The following MDN1 variants were observed in gnomAD, a reference collection of about 807,000 sequenced individuals.
MDN1 encodes midasin AAA ATPase 1, also known as midasin.
Under a neutral mutation model 669.2 loss-of-function variants are expected in MDN1, and 266 were observed. The ratio of observed to expected loss-of-function variants is 0.40; its 90% CI spans 0.36 to 0.44. MDN1 has a LOEUF of 0.44. Among genes scored for constraint, MDN1 ranks in the 20% least tolerant of loss-of-function variants. The probability of loss-of-function intolerance (pLI) is 1.00; values close to 1 mark genes in which losing one functional copy is unlikely to be tolerated. For missense variants in MDN1, 5,940 were observed against 6,754.0 expected (o/e 0.88, Z 4.22); for synonymous variants, 2,385 against 2,457.1 (o/e 0.97, Z 0.87).
At position 89,653,007 on chromosome 6, in the gene MDN1, C is replaced by T; in HGVS notation, c.15810G>A (p.Met5270Ile). ...STIHTAHQFLMDTIFQPFLKD... is the reference protein window; with the variant it reads ...STIHTAHQFLIDTIFQPFLKD... ...GTTTTACTACCTGGAAGATCGTGTCCATGAGGAATTGATGAGCTGTATGAA... is the reference window on the plus strand; with the variant it reads ...GTTTTACTACCTGGAAGATCGTGTCTATGAGGAATTGATGAGCTGTATGAA... Residue 5270 changes from methionine (M) to isoleucine (I), a missense_variant, in exon 94 of 102, where the codon ATG becomes ATA. By Grantham distance (10) the Met-to-Ile change is conservative. Coordinates refer to ENST00000369393, the MANE Select transcript of MDN1 (RefSeq NM_014611.3). 1.2e-6 allele frequency: 2 copies of T among 1,613,686 alleles called. No homozygotes were observed. The highest frequency in any genetic ancestry group is 1.7e-6 in the Non-Finnish European group (2 of 1,179,926).
chr6:89,723,094 G>A lies in MDN1; in HGVS notation c.5828C>T (p.Pro1943Leu), dbSNP rs1814958160. Residue 1943 changes from proline (P) to leucine (L), a missense_variant, in exon 40 of 102, where the codon CCC becomes CTC. Transcript: ENST00000369393. The part of the protein sequence containing the change: ...VEKKWGQKGG[P>L]WEFNLRDLFR... ...AAGGTCCCGGAGGTTGAATTCCCAG[G>A]GTCCTCCTTTTTGCCCCCATTTCTT... is the stretch of plus-strand genomic sequence containing the variant. The A allele has an allele frequency of 1.2e-6, 2 of 1,613,898 alleles. No homozygotes were observed. The highest frequency in any genetic ancestry group is 1.7e-6 in the Non-Finnish European group (2 of 1,179,978).
At chr6:89,815,378 T>C in intron 1 of MDN1, 1 of 433,052 alleles carries the variant, frequency 2.3e-6, no homozygotes, top group Non-Finnish European at 4.5e-6. Flanking sequence ...ACACTCTCAT[T>C]CATGACTGAG....
In MDN1 at chr6:89,664,481, T is replaced by C; in HGVS notation, c.14236+6A>G. The C allele has an allele frequency of 6.2e-7, 1 of 1,613,338 alleles. No individual in the cohort carries two copies. The highest frequency in any genetic ancestry group is 8.5e-7 in the Non-Finnish European group (1 of 1,179,840). ...AACAAGAATGAAGTGACAGATAATCTGAAACCTTGTTCTTCAAGCTCCCCA... is the reference window on the plus strand; with the variant it reads ...AACAAGAATGAAGTGACAGATAATCCGAAACCTTGTTCTTCAAGCTCCCCA... On this transcript the variant is annotated splice_donor_region_variant and intron_variant, in intron 85 of 101. Transcript: ENST00000369393.
chr6:89,740,401 G>C, intron 31 of MDN1, 23 bp from the exon 32 acceptor site: 1 of 1,561,198 alleles, frequency 6.4e-7, no homozygotes, highest in Non-Finnish European at 8.6e-7. Flanking sequence ...TTGAAGAACA[G>C]TGAAAAGGGC....
At position 89,704,397 on chromosome 6, in the gene MDN1, A is replaced by T. The variant is rs569160857; in HGVS notation, c.8148+1662T>A. Among the ~76,000 whole-genome samples, 15 of 152,328 alleles carry T rather than the reference A, an allele frequency of 9.8e-5. No homozygotes were observed. In the South Asian group the frequency reaches 3.1e-3, roughly 32 times the overall value. ...ACTCTGTCTCAAAAAAAATTCTGGA[A>T]AACAGAGTTTGATGACTTCCTGGTA... On this transcript the variant is annotated intron_variant, in intron 53 of 101. Transcript: ENST00000369393.
At position 89,673,482 on chromosome 6, in the gene MDN1, A is replaced by G. The variant is rs1164880908; in HGVS notation, c.13248-20T>C. 3 of 1,608,348 alleles carry G rather than the reference A, an allele frequency of 1.9e-6. No individual in the cohort carries two copies. Among genetic ancestry groups the G allele is most frequent in the African/African-American group, 1.3e-5 (1 of 74,926 alleles). ...TCTTTCCTGCAACAGAAATGCCACA[A>G]TGTTGAAAGGAATGCATTACAGTTC... On this transcript the variant is annotated intron_variant, in intron 79 of 101. Transcript: ENST00000369393.
chr6:89,657,489 A>G (rs1052750352), intron 90 of MDN1, among the ~76,000 whole-genome samples: 4 of 152,232 alleles, frequency 2.6e-5, no homozygotes, highest in African/African-American at 9.6e-5. Flanking sequence ...TGAAAAAGTT[A>G]TCTGCTTTTT....
At chr6:89,702,094 G>T (rs1343777599) in intron 53 of MDN1, 33 bp from the exon 54 acceptor site, 2 of 1,552,388 alleles carry the variant, frequency 1.3e-6, no homozygotes, top group Admixed American at 2.1e-5. Context: ...AAGATGGCAT[G>T]AAGAAAGACT....
In MDN1 at chr6:89,798,121, G is replaced by T. The variant is rs1323653997; in HGVS notation, c.330-3320C>A. Among the ~76,000 whole-genome samples, 7 of 147,430 alleles carry T rather than the reference G, an allele frequency of 4.7e-5. No individual in the cohort carries two copies. The South Asian group carries it at 6.5e-4, about 14-fold the overall frequency. ...GGCGTGAACCCGGGAGGCGGAGCTT[G>T]CAGTGAGCCGAGATCGTGCCACTGC... On this transcript the variant is annotated intron_variant, in intron 2 of 101. Transcript: ENST00000369393.
chr6:89,662,118 C>A lies in MDN1; in HGVS notation c.14534G>T (p.Gly4845Val). The A allele has an allele frequency of 6.2e-7, 1 of 1,613,094 alleles. No individual in the cohort carries two copies. Among genetic ancestry groups the A allele is most frequent in the South Asian group, 1.1e-5 (1 of 90,760 alleles). The part of the protein sequence containing the change: ...EEAEADDGGQ[G>V]EDKINEQIDE... ...TATTTGTTCATTAATTTTGTCTTCA[C>A]CTTGTCCACCATCATCAGCTTCTGC... The change falls in exon 87 of 102, where the codon GGT becomes GTT. Residue 4845 changes from glycine to valine, a missense_variant. Gly to Val is a moderately radical substitution (Grantham distance 109). This residue lies in a region of MDN1 where 2,280 missense variants were observed against 2,576.3 expected (regional missense o/e 0.88). Coordinates refer to ENST00000369393, the MANE Select transcript of MDN1 (RefSeq NM_014611.3).
intron 73 of MDN1, among the ~76,000 whole-genome samples, chr6:89,681,816 TA>T (rs1811629606): frequency 6.6e-6 from 1 of 152,156 alleles, no homozygotes; most frequent in Non-Finnish European, 1.5e-5. Flanking sequence ...AATTACTCTT[TA>T]AAAAGTAATT....
intron 16 of MDN1, 70 bp from the exon 17 acceptor site, chr6:89,761,818 T>C (rs1817564821): frequency 3.6e-6 from 4 of 1,102,656 alleles, no homozygotes; most frequent in South Asian, 2.8e-5. Context: ...AACAAACAAA[T>C]ACAATTAACA....
chr6:89,777,482 T>C (rs9362684), intron 11 of MDN1, among the ~76,000 whole-genome samples: 2 of 152,060 alleles, frequency 1.3e-5, no homozygotes, highest in African/African-American at 4.8e-5. Flanking sequence ...TAATAGTCCC[T>C]TCCTAAAACT....
intron 2 of MDN1, among the ~76,000 whole-genome samples, chr6:89,801,565 C>T (rs887392453): frequency 2.0e-5 from 3 of 151,952 alleles, no homozygotes; most frequent in South Asian, 2.1e-4. Flanking sequence ...GTGGGAGAAT[C>T]GCTTAACCTG....
At chr6:89,800,149 C>G (rs1218513405) in intron 2 of MDN1, among the ~76,000 whole-genome samples, 1 of 151,972 alleles carries the variant, frequency 6.6e-6, no homozygotes, top group Non-Finnish European at 1.5e-5. Flanking sequence ...AAAAACAGGC[C>G]GGGCACGGTG....
At chr6:89,732,870 C>A (rs1004218887) in intron 33 of MDN1, 95 bp from the exon 34 acceptor site, 4 of 1,036,490 alleles carry the variant, frequency 3.9e-6, no homozygotes, top group Middle Eastern at 2.2e-4. Context: ...TAAAAGGGGT[C>A]TCTGCTCCTT....
At chr6:89,656,106 TA>T in intron 91 of MDN1, 138 bp from the exon 92 acceptor site, 2 of 697,500 alleles carry the variant, frequency 2.9e-6, no homozygotes, top group South Asian at 3.8e-5. Flanking sequence ...ATACAGCTAT[TA>T]AAAAGAACCG....
At chr6:89,647,806 A>G (rs1039135649) in intron 99 of MDN1, among the ~76,000 whole-genome samples, 1 of 152,186 alleles carries the variant, frequency 6.6e-6, no homozygotes, top group Non-Finnish European at 1.5e-5. Context: ...AATAAAAATT[A>G]GCCAGACATG....
chr6:89,694,154 G>C lies in MDN1; in HGVS notation c.9801C>G (p.Thr3267=), dbSNP rs770292627. Reference sequence around the variant, plus strand: ...TCTGCAGCTGGGATGACAGGTTCCGGGTCTTCCATTCACACTGCAGTTGGT... The same window carrying C: ...TCTGCAGCTGGGATGACAGGTTCCGCGTCTTCCATTCACACTGCAGTTGGT... ...ELHQLQCEWK[T]RNLSSQLQTG... is the part of the protein sequence containing the mutation. The change falls in exon 62 of 102, where the codon ACC becomes ACG. Residue 3267 remains threonine (T), a synonymous_variant. Coordinates refer to ENST00000369393, the MANE Select transcript of MDN1 (RefSeq NM_014611.3). 4.3e-6 allele frequency: 7 copies of C among 1,614,006 alleles called. No individual in the cohort carries two copies. The highest frequency in any genetic ancestry group is 5.9e-6 in the Non-Finnish European group (7 of 1,180,020).
Sources: gnomAD v4.1 joint callset for allele counts (sites outside exome capture counted in the v4.1 genomes callset) on GRCh38, gnomAD v4.1.1 for gene constraint, gnomAD v4.1.1 regional missense constraint, MANE v1.5 for transcripts, NCBI Gene and HGNC (gene_info 2026-07-23, HGNC 2026-07-21) for gene names.